Variants in ECE1 observed in about 807,000 individuals in gnomAD.
ECE1 encodes the protein endothelin converting enzyme 1.
ECE1 carries 35 observed loss-of-function variants against 98.6 expected under a neutral mutation model. The ratio of observed to expected loss-of-function variants is 0.35; its 90% CI spans 0.27 to 0.47. The LOEUF (loss-of-function observed/expected upper bound fraction) is 0.47. Ranked by LOEUF, ECE1 falls within the 20% of genes least tolerant of loss-of-function variation. The probability of loss-of-function intolerance (pLI) is 1.00; values close to 1 mark genes in which losing one functional copy is unlikely to be tolerated. For missense variants in ECE1, 814 were observed against 1,025.3 expected, an observed-to-expected ratio of 0.79 and a Z score of 2.81; for synonymous variants, 394 against 407.1, an observed-to-expected ratio of 0.97 and a Z score of 0.39.
rs1024280817 is a variant in ECE1 at position 21,251,897 on chromosome 1, C to A, written c.1020+4050G>T. 2.6e-5 allele frequency among the ~76,000 whole-genome samples: 4 copies of A among 152,300 alleles called. 1 individual carries two copies. On this transcript the variant is annotated intron_variant, in intron 8 of 18. Transcript: ENST00000374893. ...TTTACCTTGTCCTCTCTGCCCTCCT[C>A]CTGGTAGGAGGCCCTCAGGCAGGTA...
intron 1 of ECE1, among the ~76,000 whole-genome samples, chr1:21,344,759 C>T (rs1320620278): frequency 6.6e-6 from 1 of 152,222 alleles, no homozygotes; most frequent in Non-Finnish European, 1.5e-5. Flanking sequence ...GACCGGATCG[C>T]TGGGTGCAGG....
intron 3 of ECE1, among the ~76,000 whole-genome samples, chr1:21,275,322 C>T (rs367842195): frequency 6.6e-6 from 1 of 152,230 alleles, no homozygotes; most frequent in East Asian, 1.9e-4. Context: ...AGGCCGGGCT[C>T]GGTGGCTCAT....
Position 21,220,150 on chromosome 1 carries a change from G to C in ECE1, c.2137-19C>G, listed in dbSNP as rs781600607. On this transcript the variant is annotated intron_variant, in intron 18 of 18. Transcript: ENST00000374893. This position sits in a 1 kb window ranked among gnomAD's most constrained non-coding sequence, Gnocchi z 5.0. ...ACCAGACCTTTGAAGGGGCAACAGG[G>C]AGAGGCCAGGGTCACTGTGGGGCCC... The C allele has an allele frequency of 2.5e-5, 40 of 1,602,562 alleles. No individual in the cohort carries two copies. In the Admixed American group the frequency reaches 5.9e-4, roughly 24 times the overall value.
intron 1 of ECE1, among the ~76,000 whole-genome samples, chr1:21,326,261 G>A (rs1197456516): frequency 1.3e-5 from 2 of 152,102 alleles, no homozygotes; most frequent in African/African-American, 4.8e-5. Context: ...AATGGGGAGG[G>A]CTGGGAGAAG....
chr1:21,247,167 A>C, intron 9 of ECE1, 54 bp downstream of exon 9: 3 of 1,613,180 alleles, frequency 1.9e-6, no homozygotes, highest in South Asian at 1.1e-5. Context: ...CCACCTGCCC[A>C]AGAAGAGGGC....
rs1312384389 is a variant in ECE1 at position 21,233,657 on chromosome 1, G to C, written c.1571C>G (p.Thr524Ser). Residue 524 changes from threonine to serine, a missense_variant, in exon 14 of 19, where the codon ACT (threonine) becomes AGT (serine). This residue lies in a region of ECE1 where 452 missense variants were observed against 567.3 expected (regional missense o/e 0.80). Coordinates refer to ENST00000374893, the MANE Select transcript of ECE1 (RefSeq NM_001397.3). This position sits in a 1 kb window ranked among gnomAD's most constrained non-coding sequence, Gnocchi z 4.0. ...TTCAAAGTAGAGGTCTGGAACTGCA[G>C]TGTACTAGAAAAGAAGAAGTGGAGT... Reference protein sequence around the residue: ...KELDKVFNDYTAVPDLYFENA... With the variant: ...KELDKVFNDYSAVPDLYFENA... 4 of 1,613,806 alleles carry C rather than the reference G, an allele frequency of 2.5e-6. No individual in the cohort carries two copies. In the East Asian group the frequency reaches 8.9e-5, roughly 36 times the overall value.
Position 21,231,588 on chromosome 1 carries a change from C to T in ECE1, c.1670+1970G>A, listed in dbSNP as rs559524648. ...AACTCCTGACCTCAAGTGATCTACC[C>T]GCCTTGGCCTCCCAAAGTACTGGGA... is the stretch of plus-strand genomic sequence containing the variant. On this transcript the variant is annotated intron_variant, in intron 14 of 18. Coordinates refer to ENST00000374893, the MANE Select transcript of ECE1 (RefSeq NM_001397.3). Among the ~76,000 whole-genome samples the T allele has an allele frequency of 2.8e-4, 42 of 152,262 alleles. No individual in the cohort carries two copies. The South Asian group carries it at 8.3e-3, about 30-fold the overall frequency.
At chr1:21,279,772 G>A (rs1430755747) in intron 2 of ECE1, 11 of 1,135,960 alleles carry the variant, frequency 9.7e-6, no homozygotes, top group African/African-American at 1.6e-5. Flanking sequence ...CTTCCCAGAA[G>A]CACAGACATC....
intron 9 of ECE1, among the ~76,000 whole-genome samples, chr1:21,245,852 GA>G (rs35456701): frequency 2.2e-4 from 34 of 151,988 alleles, no homozygotes; most frequent in Non-Finnish European, 4.4e-4. Context: ...ATGATAATGG[GA>G]AAAAAAGACC....
At chr1:21,267,775 A>G (rs953410250) in intron 4 of ECE1, among the ~76,000 whole-genome samples, 1 of 152,374 alleles carries the variant, frequency 6.6e-6, no homozygotes, top group East Asian at 1.9e-4. Flanking sequence ...TGCTGTCCAT[A>G]GATGGCTTCC....
chr1:21,315,876 C>A (rs1267339566), intron 1 of ECE1, among the ~76,000 whole-genome samples: 1 of 151,106 alleles, frequency 6.6e-6, no homozygotes, highest in African/African-American at 2.4e-5. Context: ...CCTCTGTCTA[C>A]ACAGGCAGCG....
intron 1 of ECE1, among the ~76,000 whole-genome samples, chr1:21,342,952 CCT>C (rs2103422721): frequency 6.6e-6 from 1 of 152,280 alleles, no homozygotes; most frequent in South Asian, 2.1e-4. Context: ...ACCTTTTTGC[CCT>C]CTTTCTCTTT....
chr1:21,247,082 G>T, intron 9 of ECE1, 139 bp downstream of exon 9: 1 of 1,207,710 alleles, frequency 8.3e-7, no homozygotes, highest in Non-Finnish European at 1.2e-6. Context: ...CCTGTAACCA[G>T]GATGTCCTGC....
At chr1:21,277,916 G>A (rs192746911) in intron 3 of ECE1, among the ~76,000 whole-genome samples, 4 of 152,304 alleles carry the variant, frequency 2.6e-5, no homozygotes, top group Admixed American at 2.6e-4. Flanking sequence ...ACCCAGGAGG[G>A]ATGGAAGAAT....
intron 12 of ECE1, 97 bp downstream of exon 12, chr1:21,236,649 C>T: frequency 1.6e-6 from 2 of 1,260,558 alleles, no homozygotes; most frequent in Non-Finnish European, 2.3e-6. Flanking sequence ...AACTCTGCCT[C>T]AAAAAACAAA....
chr1:21,260,264 C>A lies in ECE1; in HGVS notation c.615+7G>T, dbSNP rs1308225880. 1 of 1,614,240 alleles carries A rather than the reference C, an allele frequency of 6.2e-7. No individual in the cohort carries two copies. The highest frequency in any genetic ancestry group is 1.1e-5 in the South Asian group (1 of 91,090). Reference sequence around the variant, plus strand: ...GGGCTTGGGGAGGGAGAGCCCGAGGCACTCACCCTCTCAATCAACTCCATT... The same window carrying A: ...GGGCTTGGGGAGGGAGAGCCCGAGGAACTCACCCTCTCAATCAACTCCATT... On this transcript the variant is annotated splice_region_variant and intron_variant, in intron 5 of 18. Transcript: ENST00000374893. This position sits in a 1 kb window ranked among gnomAD's most constrained non-coding sequence, Gnocchi z 4.3.
chr1:21,305,068 G>A (rs755556350), intron 1 of ECE1, among the ~76,000 whole-genome samples: 11 of 152,338 alleles, frequency 7.2e-5, no homozygotes, highest in Non-Finnish European at 1.3e-4. Context: ...GAAGCGCCAT[G>A]AGCCACATGT....
intron 10 of ECE1, among the ~76,000 whole-genome samples, chr1:21,240,670 C>T (rs569818149): frequency 6.6e-6 from 1 of 152,328 alleles, no homozygotes; most frequent in South Asian, 2.1e-4. Flanking sequence ...GGATGCCTTG[C>T]CCTCAGCCTT....
chr1:21,306,881 C>A (rs1211165269), intron 1 of ECE1, among the ~76,000 whole-genome samples: 2 of 152,160 alleles, frequency 1.3e-5, no homozygotes, highest in East Asian at 3.8e-4. Flanking sequence ...GACCAACCCC[C>A]CCAATCTACA....
Sources: gnomAD v4.1 joint callset for allele counts (sites outside exome capture counted in the v4.1 genomes callset) on GRCh38, gnomAD v4.1.1 for gene constraint, gnomAD v4.1.1 regional missense constraint, Gnocchi (gnomAD v3.1) non-coding constraint, MANE v1.5 for transcripts, NCBI Gene and HGNC (gene_info 2026-07-23, HGNC 2026-07-21) for gene names.